MDGA2: variants seen among roughly 807,000 people sequenced by gnomAD.
The protein encoded by MDGA2 is MAM domain containing glycosylphosphatidylinositol anchor 2.
MDGA2 carries 40 observed loss-of-function variants against 117.8 expected under a neutral mutation model. The ratio of observed to expected loss-of-function variants is 0.34; its 90% CI spans 0.26 to 0.44. MDGA2 has a LOEUF of 0.44. Among genes scored for constraint, MDGA2 ranks in the 20% least tolerant of loss-of-function variants. The pLI is 1.00. For missense variants in MDGA2, 1,123 were observed against 1,250.6 expected (o/e 0.90, Z 1.54); for synonymous variants, 452 against 439.0 (o/e 1.03, Z -0.37).
intron 1 of MDGA2, among the ~76,000 whole-genome samples, chr14:47,473,402 T>G (rs1405658345): frequency 6.6e-6 from 1 of 152,186 alleles, no homozygotes; most frequent in African/African-American, 2.4e-5. Context: ...GCCTTAGCAG[T>G]GCCTAAGAGA....
intron 3 of MDGA2, among the ~76,000 whole-genome samples, chr14:47,155,644 C>T (rs1883337356): frequency 1.3e-5 from 2 of 150,306 alleles, no homozygotes; most frequent in African/African-American, 4.9e-5. Flanking sequence ...TGTGGTTGCT[C>T]AAACAGCCCT....
rs969754351 is a variant in MDGA2 at position 47,305,008 on chromosome 14, C to T, written c.281-3458G>A. Among the ~76,000 whole-genome samples, 7 of 152,178 alleles carry T rather than the reference C, an allele frequency of 4.6e-5. No individual in the cohort carries two copies. In the East Asian group the frequency reaches 9.7e-4, roughly 21 times the overall value. On this transcript the variant is annotated intron_variant, in intron 1 of 16. Transcript: ENST00000399232. ...TTTCCTTTCTCTCCACATTCAAACA[C>T]GATAGTAAGCATCTCAGTGCCAGAC...
At chr14:47,584,927 C>A (rs563885447) in intron 1 of MDGA2, among the ~76,000 whole-genome samples, 3 of 151,776 alleles carry the variant, frequency 2.0e-5, no homozygotes, top group Admixed American at 6.6e-5. Context: ...GAATGGTACA[C>A]ATTTATTCAT....
chr14:47,638,734 C>T (rs959096945), intron 1 of MDGA2, among the ~76,000 whole-genome samples: 6 of 152,160 alleles, frequency 3.9e-5, no homozygotes, highest in African/African-American at 7.2e-5. Context: ...TTCTAACAGG[C>T]CTCTCTCATA....
intron 1 of MDGA2, among the ~76,000 whole-genome samples, chr14:47,514,278 G>A (rs1462999837): frequency 6.6e-6 from 1 of 151,982 alleles, no homozygotes; most frequent in Non-Finnish European, 1.5e-5. Flanking sequence ...AGAGAGATGG[G>A]CAATGCCCCC....
chr14:46,914,020 T>A (rs1264757497), intron 10 of MDGA2, among the ~76,000 whole-genome samples: 1 of 152,016 alleles, frequency 6.6e-6, no homozygotes, highest in Non-Finnish European at 1.5e-5. Context: ...AAAGATACAG[T>A]CAAAAAGTCA....
At chr14:47,269,592 T>C (rs1199717064) in intron 2 of MDGA2, among the ~76,000 whole-genome samples, 1 of 152,150 alleles carries the variant, frequency 6.6e-6, no homozygotes, top group East Asian at 1.9e-4. Context: ...TTGCAAACTA[T>C]AGAACATAAA....
intron 3 of MDGA2, among the ~76,000 whole-genome samples, chr14:47,200,355 C>T (rs1327488989): frequency 3.3e-5 from 5 of 151,782 alleles, no homozygotes; most frequent in Non-Finnish European, 2.9e-5. Context: ...ACAGAATGAA[C>T]GAAACAATTT....
At chr14:46,864,545 G>GTTT (rs71112467) in intron 14 of MDGA2, among the ~76,000 whole-genome samples, 829 of 51,424 alleles carry the variant, frequency 0.016, 165 homozygotes, top group East Asian at 0.084. Flanking sequence ...AGATATTGCT[G>GTTT]TTTTTTTTTT....
intron 3 of MDGA2, among the ~76,000 whole-genome samples, chr14:47,214,107 T>C (rs562706192): frequency 6.6e-6 from 1 of 152,154 alleles, no homozygotes; most frequent in East Asian, 1.9e-4. Context: ...ATGATTCAAT[T>C]ACCTCCACCT....
intron 1 of MDGA2, among the ~76,000 whole-genome samples, chr14:47,471,502 A>G (rs1893728379): frequency 6.6e-6 from 1 of 152,188 alleles, no homozygotes; most frequent in Non-Finnish European, 1.5e-5. Context: ...TTATTCAAGG[A>G]ACAATTATAT....
intron 8 of MDGA2, among the ~76,000 whole-genome samples, chr14:46,983,925 C>A (rs1370827880): frequency 1.3e-5 from 2 of 151,690 alleles, no homozygotes; most frequent in African/African-American, 4.8e-5. Context: ...TTATAATTAA[C>A]ATGAATAGAA....
intron 1 of MDGA2, among the ~76,000 whole-genome samples, chr14:47,451,557 ATGT>A (rs1168086852): frequency 6.6e-6 from 1 of 152,106 alleles, no homozygotes; most frequent in Non-Finnish European, 1.5e-5. Context: ...TTTGAGGCTA[ATGT>A]ATATGTGACA....
chr14:46,983,498 A>T (rs1171386757), intron 8 of MDGA2, among the ~76,000 whole-genome samples: 2 of 152,164 alleles, frequency 1.3e-5, no homozygotes, highest in East Asian at 3.8e-4. Context: ...GTGTGCTTCC[A>T]GCAAAGCATC....
chr14:47,041,866 G>A (rs745356917), intron 7 of MDGA2, among the ~76,000 whole-genome samples: 6 of 152,006 alleles, frequency 3.9e-5, no homozygotes, highest in Non-Finnish European at 5.9e-5. Context: ...CTGAAACAAA[G>A]ACATCTGAAT....
chr14:47,371,211 T>G (rs1035855129), intron 1 of MDGA2, among the ~76,000 whole-genome samples: 8 of 151,868 alleles, frequency 5.3e-5, no homozygotes, highest in African/African-American at 1.9e-4. Context: ...GAAGACAGTT[T>G]ATTATTAAGC....
At chr14:47,274,173 T>C (rs1403007658) in intron 2 of MDGA2, among the ~76,000 whole-genome samples, 1 of 152,098 alleles carries the variant, frequency 6.6e-6, no homozygotes, top group Non-Finnish European at 1.5e-5. Context: ...TAGAACATTT[T>C]GGTTCCCTCT....
At chr14:47,306,860 A>AGC (rs1378894628) in intron 1 of MDGA2, among the ~76,000 whole-genome samples, 1 of 151,834 alleles carries the variant, frequency 6.6e-6, no homozygotes, top group African/African-American at 2.4e-5. Flanking sequence ...AGAGAGAGAG[A>AGC]GAGAGAGAGG....
At chr14:46,845,912 AT>A in intron 15 of MDGA2, 41 bp from the exon 16 acceptor site, 1 of 1,444,980 alleles carries the variant, frequency 6.9e-7, no homozygotes, top group Non-Finnish European at 9.7e-7. Flanking sequence ...TGGAGCTTTG[AT>A]TTGCAGATCA....
Sources: gnomAD v4.1 joint callset for allele counts (sites outside exome capture counted in the v4.1 genomes callset) on GRCh38, gnomAD v4.1.1 for gene constraint, MANE v1.5 for transcripts, NCBI Gene and HGNC (gene_info 2026-07-23, HGNC 2026-07-21) for gene names.